The following NOP58 variants were observed in gnomAD, a reference collection of about 807,000 sequenced individuals.
NOP58 encodes nucleolar protein 58.
In NOP58, 44 loss-of-function variants were observed where a neutral mutation model predicts 71.2. The observed-to-expected ratio is 0.62, with a 90% CI of 0.49 to 0.79. The LOEUF is 0.79. Among genes scored for constraint, NOP58 ranks in the 30% least tolerant of loss-of-function variants. The probability of loss-of-function intolerance (pLI) is 0.00; values close to 1 mark genes in which losing one functional copy is unlikely to be tolerated. For missense variants in NOP58, 538 were observed against 620.2 expected, an observed-to-expected ratio of 0.87 and a Z score of 1.41; for synonymous variants, 228 against 200.3, an observed-to-expected ratio of 1.14 and a Z score of -1.17.
chr2:202,299,253 C>T (rs866755408), intron 12 of NOP58, among the ~76,000 whole-genome samples: 8 of 152,006 alleles, frequency 5.3e-5, no homozygotes, highest in Non-Finnish European at 1.0e-4. Flanking sequence ...CCACAGCACC[C>T]GGCCTCCTTC....
chr2:202,297,393 G>T lies in NOP58; in HGVS notation c.1086G>T (p.Leu362=). ...TTTTCTATTAGATTTCTCGAATGCT[G>T]GCAGCCAAAACCGTTTTGGCTATCC... is the stretch of plus-strand genomic sequence containing the variant. ...PKHKGKISRM[L]AAKTVLAIRY... is the part of the protein sequence containing the mutation. Residue 362 remains leucine (L), a synonymous_variant, in exon 11 of 15, where the codon CTG becomes CTT. Coordinates refer to ENST00000264279, the MANE Select transcript of NOP58 (RefSeq NM_015934.5). The T allele has an allele frequency of 6.2e-7, 1 of 1,612,786 alleles. No homozygotes were observed. The highest frequency in any genetic ancestry group is 8.5e-7 in the Non-Finnish European group (1 of 1,179,312).
chr2:202,286,779 A>C (rs1346936386), intron 5 of NOP58, among the ~76,000 whole-genome samples: 2 of 152,142 alleles, frequency 1.3e-5, no homozygotes, highest in Non-Finnish European at 2.9e-5. Flanking sequence ...CTATGTCCAT[A>C]GACATTTTTG....
Position 202,291,256 on chromosome 2 carries a change from C to T in NOP58, c.766C>T (p.His256Tyr). 1 of 1,605,320 alleles carries T rather than the reference C, an allele frequency of 6.2e-7. No individual in the cohort carries two copies. The highest frequency in any genetic ancestry group is 1.3e-5 in the African/African-American group (1 of 74,690). ...VSEEDICNIL[H>Y]LCTQVIEISE... is the part of the protein sequence containing the mutation. ...AGAAGAAGATATTTGCAATATTCTG[C>T]ATCTTTGCACCCAGGTAAATTTTAC... Residue 256 changes from histidine (H) to tyrosine (Y), a missense_variant, in exon 8 of 15, where the codon CAT (histidine) becomes TAT (tyrosine). His to Tyr is a moderately conservative substitution (Grantham distance 83, BLOSUM62 2). Coordinates refer to ENST00000264279, the MANE Select transcript of NOP58 (RefSeq NM_015934.5).
chr2:202,298,683 AG>A (rs998476162), intron 12 of NOP58, among the ~76,000 whole-genome samples: 60 of 152,206 alleles, frequency 3.9e-4, no homozygotes, highest in African/African-American at 1.4e-3. Context: ...TTTTGTAAAA[AG>A]TATAAAGACA....
intron 4 of NOP58, 104 bp from the exon 5 acceptor site, chr2:202,284,241 C>A: frequency 2.1e-6 from 2 of 962,082 alleles, no homozygotes; most frequent in Non-Finnish European, 3.0e-6. Flanking sequence ...CCACTGCACT[C>A]CAGCCTGGGC....
intron 4 of NOP58, 149 bp downstream of exon 4, chr2:202,282,621 A>C: frequency 1.4e-6 from 1 of 700,148 alleles, no homozygotes; most frequent in East Asian, 2.7e-5. Context: ...GATTTCCCCT[A>C]ACATCAGCTG....
At chr2:202,292,401 A>G (rs1688918349) in intron 8 of NOP58, among the ~76,000 whole-genome samples, 1 of 152,054 alleles carries the variant, frequency 6.6e-6, no homozygotes, top group South Asian at 2.1e-4. Flanking sequence ...CATCTTATAG[A>G]AAACTGATGT....
At chr2:202,266,355 G>A (rs982646484) in intron 1 of NOP58, among the ~76,000 whole-genome samples, 10 of 151,608 alleles carry the variant, frequency 6.6e-5, no homozygotes, top group Non-Finnish European at 1.3e-4. Context: ...CTGGAGTGCA[G>A]TGGCGCAATC....
chr2:202,290,911 A>G, intron 7 of NOP58: 1 of 439,486 alleles, frequency 2.3e-6, no homozygotes, highest in Non-Finnish European at 4.0e-6. Flanking sequence ...TACTCTGATT[A>G]TTTTTTGGAA....
At chr2:202,301,633 A>C (rs1689095133) in intron 13 of NOP58, among the ~76,000 whole-genome samples, 1 of 152,134 alleles carries the variant, frequency 6.6e-6, no homozygotes, top group South Asian at 2.1e-4. Context: ...AGCTTTTTAA[A>C]TCTAAATTTG....
chr2:202,271,441 C>T (rs894114841), intron 1 of NOP58, among the ~76,000 whole-genome samples: 1 of 151,022 alleles, frequency 6.6e-6, no homozygotes, highest in Non-Finnish European at 1.5e-5. Context: ...GCAGCATGTG[C>T]CTGTAATCCC....
intron 6 of NOP58, among the ~76,000 whole-genome samples, chr2:202,290,023 C>T (rs944316677): frequency 3.9e-5 from 6 of 152,016 alleles, no homozygotes; most frequent in East Asian, 1.9e-4. Flanking sequence ...AGCACGATCT[C>T]GGCTCACTAC....
intron 13 of NOP58, among the ~76,000 whole-genome samples, chr2:202,301,332 G>A (rs559555367): frequency 1.3e-5 from 2 of 151,992 alleles, no homozygotes; most frequent in Admixed American, 6.6e-5. Context: ...TTACAGGCAC[G>A]CACCACCACG....
At chr2:202,278,271 A>C (rs1386535952) in intron 3 of NOP58, 4 of 565,336 alleles carry the variant, frequency 7.1e-6, no homozygotes, top group African/African-American at 5.6e-5. Flanking sequence ...CTCCCTGTGG[A>C]AACCAGCAAC....
intron 13 of NOP58, among the ~76,000 whole-genome samples, chr2:202,302,337 G>A (rs1021923458): frequency 3.9e-5 from 6 of 151,934 alleles, no homozygotes; most frequent in African/African-American, 1.2e-4. Flanking sequence ...TGATCCTCCC[G>A]CCTCAGCCTC....
intron 1 of NOP58, among the ~76,000 whole-genome samples, chr2:202,272,493 G>A (rs765704259): frequency 1.4e-4 from 21 of 151,916 alleles, no homozygotes; most frequent in Non-Finnish European, 2.5e-4. Context: ...TAGATATGTT[G>A]GTAAAAATAA....
intron 1 of NOP58, among the ~76,000 whole-genome samples, chr2:202,267,935 C>G (rs1036126829): frequency 1.3e-5 from 2 of 152,074 alleles, no homozygotes; most frequent in African/African-American, 4.8e-5. Flanking sequence ...GTTTATGTAA[C>G]CTAGTACTAA....
chr2:202,298,952 ATTTTTTTTT>A (rs3043921), intron 12 of NOP58, among the ~76,000 whole-genome samples: 17 of 81,464 alleles, frequency 2.1e-4, no homozygotes, highest in South Asian at 1.7e-3. Flanking sequence ...ATCCTTCAAG[ATTTTTTTTT>A]TTTTTTTTTT....
intron 13 of NOP58, among the ~76,000 whole-genome samples, chr2:202,301,452 G>A (rs1442011023): frequency 6.6e-6 from 1 of 151,704 alleles, no homozygotes; most frequent in Non-Finnish European, 1.5e-5. Context: ...CAAACTGCTG[G>A]GATTACAGGC....
Sources: gnomAD v4.1 joint callset for allele counts (sites outside exome capture counted in the v4.1 genomes callset) on GRCh38, gnomAD v4.1.1 for gene constraint, MANE v1.5 for transcripts, NCBI Gene and HGNC (gene_info 2026-07-23, HGNC 2026-07-21) for gene names.